The following MIS18A variants were observed in gnomAD, a reference collection of about 807,000 sequenced individuals.
MIS18A encodes protein Mis18-alpha.
In MIS18A, 14 loss-of-function variants were observed where a neutral mutation model predicts 25.0. The observed-to-expected ratio is 0.56, with a 90% CI of 0.37 to 0.88. The LOEUF is 0.88. MIS18A is among the 40% of genes least tolerant of loss of function. MIS18A has a pLI of 0.00. For missense variants in MIS18A, 292 were observed against 290.8 expected (o/e 1.00, Z -0.03); for synonymous variants, 134 against 118.6 (o/e 1.13, Z -0.84).
At chr21:32,208,753 T>TAACA in the MIS18A span, among the ~76,000 whole-genome samples, 3 of 152,202 alleles carry the variant, frequency 2.0e-5, no homozygotes, top group Non-Finnish European at 4.4e-5. Flanking sequence ...AGTTTCTCTT[T>TAACA]AACTACTCAG....
the MIS18A span, among the ~76,000 whole-genome samples, chr21:32,163,735 T>A: frequency 6.6e-6 from 1 of 152,190 alleles, no homozygotes; most frequent in Non-Finnish European, 1.5e-5. Flanking sequence ...ATTGCATTGA[T>A]GGAAAGTTGA....
chr21:32,229,880 T>A, the MIS18A span, among the ~76,000 whole-genome samples: 36 of 152,318 alleles, frequency 2.4e-4, 1 homozygote, highest in South Asian at 7.5e-3. Flanking sequence ...TTCTTAAAGT[T>A]CTGCTTTCAT....
At chr21:32,262,672 T>C in the MIS18A span, among the ~76,000 whole-genome samples, 1 of 152,250 alleles carries the variant, frequency 6.6e-6, no homozygotes, top group Non-Finnish European at 1.5e-5. Context: ...ACCTTGTCCA[T>C]CTCTGCCTTA....
chr21:32,203,613 C>CTTTT, the MIS18A span, among the ~76,000 whole-genome samples: 424 of 85,370 alleles, frequency 5.0e-3, 19 homozygotes, highest in African/African-American at 0.015. Flanking sequence ...TTTTTAAATG[C>CTTTT]TTTTTTTTTT....
chr21:32,273,939 G>A (rs1009350870), intron 2 of MIS18A, among the ~76,000 whole-genome samples: 1 of 152,124 alleles, frequency 6.6e-6, no homozygotes, highest in Non-Finnish European at 1.5e-5. Context: ...TTGCTCAGGC[G>A]TCACTATGGC....
the MIS18A span, among the ~76,000 whole-genome samples, chr21:32,196,262 G>T: frequency 0.012 from 1,868 of 152,142 alleles, 29 homozygotes; most frequent in African/African-American, 0.041. Flanking sequence ...AGGAGAATTT[G>T]CTCTCTCTCC....
the MIS18A span, among the ~76,000 whole-genome samples, chr21:32,246,752 C>A: frequency 6.6e-6 from 1 of 152,154 alleles, no homozygotes; most frequent in African/African-American, 2.4e-5. Flanking sequence ...CCTTCAGAAT[C>A]TCAAGAGCAG....
chr21:32,186,433 C>T, the MIS18A span, among the ~76,000 whole-genome samples: 1 of 152,236 alleles, frequency 6.6e-6, no homozygotes, highest in Admixed American at 6.5e-5. Context: ...AGCATGGATG[C>T]TGTGTCCAAG....
the MIS18A span, among the ~76,000 whole-genome samples, chr21:32,183,982 C>T: frequency 3.6e-4 from 55 of 152,288 alleles, no homozygotes; most frequent in Admixed American, 1.1e-3. Flanking sequence ...CATTCATCTG[C>T]GTTTTTCAAA....
At chr21:32,270,318 C>A (rs1358243855) in intron 3 of MIS18A, 89 bp downstream of exon 3, 19 of 1,395,134 alleles carry the variant, frequency 1.4e-5, no homozygotes, top group Non-Finnish European at 1.7e-5. Flanking sequence ...ATATATTTAA[C>A]CAAACAGTAT....
the MIS18A span, among the ~76,000 whole-genome samples, chr21:32,154,698 T>G: frequency 6.6e-6 from 1 of 150,646 alleles, no homozygotes. Flanking sequence ...TTGCACCATA[T>G]ACTGGTATTT....
chr21:32,161,431 T>C, the MIS18A span, among the ~76,000 whole-genome samples: 1 of 152,038 alleles, frequency 6.6e-6, no homozygotes, highest in African/African-American at 2.4e-5. Flanking sequence ...GTTTTGGGGG[T>C]GACCATTTAC....
chr21:32,236,575 G>A, the MIS18A span, among the ~76,000 whole-genome samples: 1 of 152,234 alleles, frequency 6.6e-6, no homozygotes, highest in East Asian at 1.9e-4. Context: ...TCCTCCTCAT[G>A]TTGCTTTGCC....
At chr21:32,244,268 T>C in the MIS18A span, among the ~76,000 whole-genome samples, 1 of 151,876 alleles carries the variant, frequency 6.6e-6, no homozygotes, top group Non-Finnish European at 1.5e-5. Flanking sequence ...GGGGAGGAAA[T>C]TGACTCCAAA....
the MIS18A span, among the ~76,000 whole-genome samples, chr21:32,215,527 C>T: frequency 2.6e-5 from 4 of 152,178 alleles, no homozygotes; most frequent in African/African-American, 9.6e-5. Flanking sequence ...ACTAGGGAAG[C>T]CAGGGACGGT....
chr21:32,236,848 A>G, the MIS18A span, among the ~76,000 whole-genome samples: 1 of 152,090 alleles, frequency 6.6e-6, no homozygotes, highest in Non-Finnish European at 1.5e-5. Flanking sequence ...GGACTGTTCT[A>G]TTGCTATGAG....
chr21:32,268,889 C>T lies in MIS18A; in HGVS notation c.*148G>A. ...CACTGCAGCCTCAACCTCCCAAGCT[C>T]ATCTGATCCTCCCACCTCAGCGTTT... On this transcript the variant is annotated 3_prime_UTR_variant, in exon 5 of 5. Transcript: ENST00000290130. 1 of 533,496 alleles carries T rather than the reference C, an allele frequency of 1.9e-6. No individual in the cohort carries two copies. The highest frequency in any genetic ancestry group is 3.0e-5 in the East Asian group (1 of 33,300). The allele number at this position is 533,496 out of a possible 1,614,324, so 33.0% of individuals were successfully genotyped here.
At chr21:32,229,404 G>A in the MIS18A span, among the ~76,000 whole-genome samples, 3 of 152,010 alleles carry the variant, frequency 2.0e-5, no homozygotes, top group African/African-American at 7.3e-5. Flanking sequence ...TCCCATTAGA[G>A]TTCTTGGATT....
the MIS18A span, among the ~76,000 whole-genome samples, chr21:32,162,866 T>G: frequency 6.6e-6 from 1 of 152,142 alleles, no homozygotes; most frequent in South Asian, 2.1e-4. Flanking sequence ...GGCCAATCGC[T>G]CCAGGAGTTT....
Sources: allele counts gnomAD v4.1 joint callset (sites outside exome capture counted in the v4.1 genomes callset), GRCh38; gene constraint gnomAD v4.1.1; transcripts MANE v1.5; gene names NCBI Gene and HGNC (gene_info 2026-07-23, HGNC 2026-07-21).